Variants in WNT2B observed in about 807,000 individuals in gnomAD.
The protein encoded by WNT2B is Wnt family member 2B.
Under a neutral mutation model 40.5 loss-of-function variants are expected in WNT2B, and 19 were observed. The observed-to-expected ratio is 0.47, with a 90% CI of 0.33 to 0.69. The LOEUF (loss-of-function observed/expected upper bound fraction) is 0.69. Ranked by LOEUF, WNT2B falls within the 30% of genes least tolerant of loss-of-function variation. WNT2B has a pLI of 0.02. For synonymous variants in WNT2B, 220 were observed against 211.9 expected (o/e 1.04, Z -0.33); for missense variants, 467 against 556.4 (o/e 0.84, Z 1.62).
At chr1:112,489,722 A>G (rs1283341134) in intron 1 of WNT2B, among the ~76,000 whole-genome samples, 1 of 152,138 alleles carries the variant, frequency 6.6e-6, no homozygotes, top group Non-Finnish European at 1.5e-5. Flanking sequence ...CATGTGTGGG[A>G]GCAGATGTGA....
At chr1:112,508,866 G>A, upstream of WNT2B, 9 of 1,008,968 alleles carry the variant, frequency 8.9e-6, no homozygotes, top group Non-Finnish European at 9.5e-6. The surrounding 1 kb of genome is among the most constrained non-coding windows in gnomAD (Gnocchi z 4.2). Flanking sequence ...AGCGCCCCGG[G>A]CTTGGCGCGG....
At chr1:112,475,024 T>G (rs1651014131) in intron 1 of WNT2B, among the ~76,000 whole-genome samples, 1 of 152,208 alleles carries the variant, frequency 6.6e-6, no homozygotes, top group Non-Finnish European at 1.5e-5. Context: ...AGCATCATGC[T>G]TCCTGTACAG....
intron 1 of WNT2B, among the ~76,000 whole-genome samples, chr1:112,510,596 G>A (rs759480553): frequency 3.9e-5 from 6 of 152,116 alleles, no homozygotes; most frequent in Non-Finnish European, 5.9e-5. Context: ...CTGGCCGAGG[G>A]GCCCGCCAGC....
intron 1 of WNT2B, among the ~76,000 whole-genome samples, chr1:112,495,846 T>C (rs944170791): frequency 1.3e-5 from 2 of 152,146 alleles, no homozygotes; most frequent in Admixed American, 6.5e-5. Flanking sequence ...AAGTCCAAGA[T>C]CGAGGTGCTG....
In WNT2B at chr1:112,509,043, C is replaced by T. The variant is rs1292740061; in HGVS notation, c.-220C>T. On this transcript the variant is annotated 5_prime_UTR_variant, in exon 1 of 5. Transcript: ENST00000369684. This position sits in a 1 kb window ranked among gnomAD's most constrained non-coding sequence, Gnocchi z 4.2. ...CGGTCCTCAGGCAGCGCGCCCCAGA[C>T]CCCGGGTTCGGCACGCCGTCGTCGG... 7.4e-7 allele frequency: 1 copy of T among 1,356,920 alleles called. No homozygotes were observed. Among genetic ancestry groups the T allele is most frequent in the Non-Finnish European group, 9.4e-7 (1 of 1,064,334 alleles). 84.1% of individuals were successfully genotyped at this position (1,356,920 alleles called of 1,614,324 possible).
intron 1 of WNT2B, among the ~76,000 whole-genome samples, chr1:112,512,368 G>A (rs997896095): frequency 6.6e-6 from 1 of 152,236 alleles, no homozygotes; most frequent in Non-Finnish European, 1.5e-5. Context: ...TCCAAACCAT[G>A]TGAGGATCAT....
rs115648345 is a variant in WNT2B, at chr1:112,492,467, G to A, written c.-94-22407G>A. 9.0e-3 allele frequency among the ~76,000 whole-genome samples: 1,366 copies of A among 152,296 alleles called. 16 individuals are homozygous for A. The highest frequency in any genetic ancestry group is 0.031 in the African/African-American group (1,305 of 41,554). The stretch of plus-strand genomic sequence containing the variant: ...ACAACTCTGAGAATTAAAAACTCCA[G>A]GGGAAGCCAGTCATGGGAGGACCTC... On this transcript the variant is annotated intron_variant, in intron 1 of 4. Transcript: ENST00000256640.
intron 1 of WNT2B, among the ~76,000 whole-genome samples, chr1:112,500,421 T>A (rs1651911712): frequency 6.6e-6 from 1 of 152,172 alleles, no homozygotes; most frequent in African/African-American, 2.4e-5. Flanking sequence ...TTATTATCGC[T>A]AATAATAAAA....
rs116274670 is a variant in WNT2B at position 112,494,988 on chromosome 1, T to C, written c.-94-19886T>C. 9.7e-3 allele frequency among the ~76,000 whole-genome samples: 1,466 copies of C among 151,558 alleles called. 97 individuals are homozygous for C. The highest frequency in any genetic ancestry group is 0.034 in the African/African-American group (1,404 of 40,886). On this transcript the variant is annotated intron_variant, in intron 1 of 4. Transcript: ENST00000256640. ...CAAGTGAAATAAATGACAGAAATAA[T>C]ACAAGGGATTAGAGGGAGGAACTAG...
intron 1 of WNT2B, among the ~76,000 whole-genome samples, chr1:112,470,548 A>T (rs1035438335): frequency 6.6e-5 from 10 of 152,190 alleles, no homozygotes; most frequent in Admixed American, 6.5e-5. Flanking sequence ...AGATCACGCC[A>T]CTGCACTCCA....
intron 4 of WNT2B, among the ~76,000 whole-genome samples, chr1:112,519,269 A>G (rs972915305): frequency 1.3e-5 from 2 of 152,238 alleles, no homozygotes; most frequent in South Asian, 2.1e-4. Flanking sequence ...ATGAATATGT[A>G]TATTATAAAA....
intron 1 of WNT2B, among the ~76,000 whole-genome samples, chr1:112,512,325 C>T (rs539296429): frequency 7.2e-5 from 11 of 152,266 alleles, no homozygotes; most frequent in South Asian, 4.1e-4. Flanking sequence ...TGAACAAAAC[C>T]GACAAAAATC....
In WNT2B at chr1:112,514,795, T is replaced by C; in HGVS notation, c.183-79T>C. On this transcript the variant is annotated intron_variant, in intron 1 of 4. Coordinates refer to ENST00000369684, the MANE Select transcript of WNT2B (RefSeq NM_024494.3). ...CAGAATCTCTTCAAGGTCTGGATGC[T>C]AAACGTACCCCTTCCTTATTCCCTC... The C allele has an allele frequency of 2.8e-6, 4 of 1,424,692 alleles. No individual in the cohort carries two copies. In the East Asian group the frequency reaches 6.9e-5, roughly 24 times the overall value. 88.3% of individuals were successfully genotyped at this position (1,424,692 alleles called of 1,614,324 possible). A position where few individuals can be genotyped will look rare whatever the true frequency, so the allele number is the denominator to read the frequency against.
At chr1:112,474,079 A>AGG in intron 1 of WNT2B, among the ~76,000 whole-genome samples, 1 of 148,308 alleles carries the variant, frequency 6.7e-6, no homozygotes, top group East Asian at 2.0e-4. Context: ...AAAAAAAAAA[A>AGG]AAAGAAAGAA....
rs1446047230 is a variant in WNT2B, at chr1:112,527,043, T to A, written c.*6534T>A. ...TGCTGCTCTCAACCCCTCTTTGTTT[T>A]CCCATCCAAAATCTGGACCTCTGTT... On this transcript the variant is annotated 3_prime_UTR_variant, in exon 5 of 5. Coordinates refer to ENST00000369684, the MANE Select transcript of WNT2B (RefSeq NM_024494.3). 2 of 152,206 alleles carry A rather than the reference T, an allele frequency of 1.3e-5. No individual in the cohort carries two copies. Among genetic ancestry groups the A allele is most frequent in the Non-Finnish European group, 2.9e-5 (2 of 68,064 alleles). The allele number at this position is 152,206 out of a possible 1,614,324, so 9.4% of individuals were successfully genotyped here.
At chr1:112,502,543 A>C (rs1338336444) in intron 1 of WNT2B, among the ~76,000 whole-genome samples, 4 of 152,236 alleles carry the variant, frequency 2.6e-5, no homozygotes, top group Non-Finnish European at 5.9e-5. Context: ...AGGAAACCTC[A>C]GAGAAGGGCT....
At chr1:112,508,953 A>C, upstream of WNT2B, 1 of 1,165,582 alleles carries the variant, frequency 8.6e-7, no homozygotes, top group South Asian at 3.6e-5. This position sits in a 1 kb window ranked among gnomAD's most constrained non-coding sequence, Gnocchi z 4.2. Flanking sequence ...CCCGCGGCCG[A>C]AGGGGCTGTC....
At position 112,494,305 on chromosome 1, in the gene WNT2B, G is replaced by T. The variant is rs1651702268; in HGVS notation, c.-94-20569G>T. ...AGCCTGGGCAACAGAGAGACGATCC[G>T]TTTCAAAAAAAAAAATTATATCTAC... On this transcript the variant is annotated intron_variant, in intron 1 of 4. Transcript: ENST00000256640. Among the ~76,000 whole-genome samples the T allele has an allele frequency of 4.6e-5, 7 of 150,624 alleles. No individual in the cohort carries two copies. In the South Asian group the frequency reaches 1.5e-3, roughly 31 times the overall value.
In WNT2B at chr1:112,525,678, C is replaced by T. The variant is rs1653276060; in HGVS notation, c.*5169C>T. The T allele has an allele frequency of 4.8e-6, 1 of 206,342 alleles. No homozygotes were observed. Among genetic ancestry groups the T allele is most frequent in the African/African-American group, 2.3e-5 (1 of 43,652 alleles). The allele number at this position is 206,342 out of a possible 1,614,324, so 12.8% of individuals were successfully genotyped here. A position where few individuals can be genotyped will look rare whatever the true frequency, so the allele number is the denominator to read the frequency against. On this transcript the variant is annotated 3_prime_UTR_variant, in exon 5 of 5. Transcript: ENST00000369684. Reference sequence around the variant, plus strand: ...TGAGTATATCGATGGAGCAGCTGGACATTAGAGTTCTTTCTCTTTGACCAA... The same window carrying T: ...TGAGTATATCGATGGAGCAGCTGGATATTAGAGTTCTTTCTCTTTGACCAA...
Sources: allele counts gnomAD v4.1 joint callset (sites outside exome capture counted in the v4.1 genomes callset), GRCh38; gene constraint gnomAD v4.1.1; non-coding constraint Gnocchi (gnomAD v3.1); transcripts MANE v1.5; gene names NCBI Gene and HGNC (gene_info 2026-07-23, HGNC 2026-07-21).